POFUT3: variants seen among roughly 807,000 people sequenced by gnomAD.
The protein encoded by POFUT3 is GDP-fucose protein O-fucosyltransferase 3.
chr8:33,318,591 T>A, the POFUT3 span, among the ~76,000 whole-genome samples: 1 of 65,212 alleles, frequency 1.5e-5, no homozygotes, highest in Non-Finnish European at 2.5e-5. Flanking sequence ...GTATATATAT[T>A]TATATAATAT....
At chr8:33,473,119 T>G in the POFUT3 span, 2 of 152,046 alleles carry the variant, frequency 1.3e-5, no homozygotes, top group Non-Finnish European at 2.9e-5. Flanking sequence ...TTTCTCCCTA[T>G]GAGCCCAAGC....
At chr8:33,325,615 A>G in the POFUT3 span, among the ~76,000 whole-genome samples, 1 of 152,204 alleles carries the variant, frequency 6.6e-6, no homozygotes, top group Non-Finnish European at 1.5e-5. Flanking sequence ...CTCCCTTTAC[A>G]ATATTGTAGC....
At chr8:33,312,513 C>G in the POFUT3 span, among the ~76,000 whole-genome samples, 1 of 152,116 alleles carries the variant, frequency 6.6e-6, no homozygotes, top group Non-Finnish European at 1.5e-5. Context: ...TAGCATGCAA[C>G]TATGATGAGT....
the POFUT3 span, among the ~76,000 whole-genome samples, chr8:33,429,348 A>C: frequency 2.5e-4 from 38 of 152,118 alleles, no homozygotes; most frequent in African/African-American, 8.9e-4. Flanking sequence ...AAAAAAAGTC[A>C]CTATTATCTC....
At chr8:33,432,268 G>C in the POFUT3 span, among the ~76,000 whole-genome samples, 6 of 151,860 alleles carry the variant, frequency 4.0e-5, no homozygotes, top group Non-Finnish European at 8.8e-5. Flanking sequence ...AAATTAGCCA[G>C]GCATGATGGG....
At chr8:33,364,521 C>T in the POFUT3 span, among the ~76,000 whole-genome samples, 2 of 152,142 alleles carry the variant, frequency 1.3e-5, no homozygotes, top group African/African-American at 4.8e-5. Flanking sequence ...ATTTAGAAAA[C>T]CCTATCGTCT....
the POFUT3 span, among the ~76,000 whole-genome samples, chr8:33,353,209 G>T: frequency 3.8e-4 from 58 of 152,166 alleles, no homozygotes; most frequent in African/African-American, 1.4e-3. Flanking sequence ...CCTGTAATTT[G>T]CTTGCAGGGG....
chr8:33,322,583 A>G, the POFUT3 span, among the ~76,000 whole-genome samples: 1 of 152,168 alleles, frequency 6.6e-6, no homozygotes, highest in Non-Finnish European at 1.5e-5. Flanking sequence ...CATACCATAC[A>G]TAATAATGCA....
the POFUT3 span, among the ~76,000 whole-genome samples, chr8:33,356,491 T>C: frequency 2.7e-5 from 4 of 150,772 alleles, no homozygotes; most frequent in Non-Finnish European, 4.4e-5. Flanking sequence ...TGTCTGTTCA[T>C]GTCCTTTGCC....
At chr8:33,453,126 G>T in the POFUT3 span, 4 of 1,291,018 alleles carry the variant, frequency 3.1e-6, no homozygotes, top group South Asian at 1.3e-5. Flanking sequence ...TTCAAGGGGA[G>T]CTCCACCATC....
At chr8:33,451,061 G>GGTGTGTGT in the POFUT3 span, among the ~76,000 whole-genome samples, 85 of 88,876 alleles carry the variant, frequency 9.6e-4, 1 homozygote, top group East Asian at 0.023. Context: ...ACACAAAGGA[G>GGTGTGTGT]GTGTATGTGT....
the POFUT3 span, among the ~76,000 whole-genome samples, chr8:33,457,181 C>T: frequency 2.3e-4 from 35 of 152,184 alleles, no homozygotes; most frequent in Non-Finnish European, 4.6e-4. Context: ...GACATGGTGG[C>T]TCACACCTGT....
the POFUT3 span, among the ~76,000 whole-genome samples, chr8:33,414,609 T>G: frequency 9.9e-5 from 15 of 152,252 alleles, 1 homozygote; most frequent in African/African-American, 3.6e-4. Flanking sequence ...TATTAATCTG[T>G]CTGTTGTCCA....
At chr8:33,315,176 T>A in the POFUT3 span, among the ~76,000 whole-genome samples, 1 of 152,264 alleles carries the variant, frequency 6.6e-6, no homozygotes, top group Middle Eastern at 3.4e-3. Flanking sequence ...GCCCAATAAA[T>A]GCTTTCACTA....
the POFUT3 span, among the ~76,000 whole-genome samples, chr8:33,411,751 G>A: frequency 8.1e-3 from 1,234 of 152,256 alleles, 19 homozygotes; most frequent in African/African-American, 0.028. Context: ...TGGTGCCATT[G>A]CACCCCGGCC....
chr8:33,351,922 T>C, the POFUT3 span, among the ~76,000 whole-genome samples: 4 of 152,234 alleles, frequency 2.6e-5, no homozygotes, highest in Non-Finnish European at 5.9e-5. Flanking sequence ...AATTTATATG[T>C]CATCTAGTTT....
the POFUT3 span, among the ~76,000 whole-genome samples, chr8:33,450,661 A>G: frequency 3.9e-5 from 6 of 152,196 alleles, no homozygotes; most frequent in Non-Finnish European, 8.8e-5. Context: ...ATGCCAAGGT[A>G]ATAAACAGCA....
At chr8:33,422,808 T>C in the POFUT3 span, among the ~76,000 whole-genome samples, 1 of 151,966 alleles carries the variant, frequency 6.6e-6, no homozygotes, top group Non-Finnish European at 1.5e-5. Flanking sequence ...CTGATAGTTA[T>C]ATTCCAGGTC....
chr8:33,414,446 G>A, the POFUT3 span, among the ~76,000 whole-genome samples: 1 of 152,122 alleles, frequency 6.6e-6, no homozygotes, highest in Non-Finnish European at 1.5e-5. Flanking sequence ...TATGAAGAGA[G>A]TATTTAAGCT....
Sources: gnomAD v4.1 joint callset for allele counts (sites outside exome capture counted in the v4.1 genomes callset) on GRCh38, gnomAD v4.1.1 for gene constraint, MANE v1.5 for transcripts, NCBI Gene and HGNC (gene_info 2026-07-23, HGNC 2026-07-21) for gene names.